NID1: variants seen among roughly 807,000 people sequenced by gnomAD.
NID1 encodes the protein nidogen 1, also known as nidogen-1.
NID1 carries 76 observed loss-of-function variants against 130.6 expected under a neutral mutation model. That is an observed-to-expected ratio of 0.58 (90% CI 0.48 to 0.70). The LOEUF (loss-of-function observed/expected upper bound fraction) is 0.70, where lower values mean the gene tolerates loss of function less well. Among genes scored for constraint, NID1 ranks in the 30% least tolerant of loss-of-function variants. NID1 has a pLI of 0.00. For missense variants in NID1, 1,517 were observed against 1,664.8 expected, an observed-to-expected ratio of 0.91 and a Z score of 1.54; for synonymous variants, 665 against 675.1, an observed-to-expected ratio of 0.98 and a Z score of 0.23.
chr1:236,032,331 C>T (rs574135739), intron 6 of NID1, 70 bp downstream of exon 6: 1 of 1,557,830 alleles, frequency 6.4e-7, no homozygotes, highest in South Asian at 1.2e-5. Flanking sequence ...GTTCTCCTTC[C>T]ATCCATCCCC....
At chr1:236,052,646 G>T (rs1659792281) in intron 1 of NID1, among the ~76,000 whole-genome samples, 1 of 152,168 alleles carries the variant, frequency 6.6e-6, no homozygotes, top group Admixed American at 6.5e-5. Context: ...GTCTGTGTGG[G>T]GTGTCCGTGT....
At chr1:236,006,022 C>T (rs1197544488) in intron 12 of NID1, among the ~76,000 whole-genome samples, 1 of 152,212 alleles carries the variant, frequency 6.6e-6, no homozygotes, top group African/African-American at 2.4e-5. Context: ...GAGCTCCTGT[C>T]TCCTTGTCAC....
chr1:236,061,282 C>T (rs1290731701), intron 1 of NID1, among the ~76,000 whole-genome samples: 3 of 152,248 alleles, frequency 2.0e-5, no homozygotes, highest in Admixed American at 6.5e-5. Context: ...AGTGTCACCC[C>T]GTAGCTCAGT....
chr1:236,015,369 G>A (rs535295949), intron 10 of NID1, among the ~76,000 whole-genome samples: 10 of 152,194 alleles, frequency 6.6e-5, no homozygotes, highest in Middle Eastern at 3.4e-3. Context: ...TATGTAGGCC[G>A]GGCGTGGTGG....
chr1:236,021,483 A>G (rs1658762720), intron 9 of NID1, among the ~76,000 whole-genome samples: 1 of 152,218 alleles, frequency 6.6e-6, no homozygotes, highest in South Asian at 2.1e-4. Context: ...TATGAAGCCA[A>G]CACCGCGAGG....
In NID1 at chr1:236,027,105, T is replaced by C. The variant is rs138056320; in HGVS notation, c.1739-964A>G. 7.2e-3 allele frequency among the ~76,000 whole-genome samples: 1,094 copies of C among 152,228 alleles called. 8 individuals carry two copies. The highest frequency in any genetic ancestry group is 0.012 in the Non-Finnish European group (841 of 68,012). Reference sequence around the variant, plus strand: ...ATCCTGCAATACCAAAAAAATGAGATATTAAATGAGTTTCAGTAGCCAGGT... The same window carrying C: ...ATCCTGCAATACCAAAAAAATGAGACATTAAATGAGTTTCAGTAGCCAGGT... On this transcript the variant is annotated intron_variant, in intron 7 of 19. Transcript: ENST00000264187.
Position 235,981,397 on chromosome 1 carries a change from A to G in NID1, c.3227+214T>C, listed in dbSNP as rs565847390. On this transcript the variant is annotated intron_variant, in intron 16 of 19. Transcript: ENST00000264187. ...AACTTGTAAAGTCTCCTGGCAAAAG[A>G]TTTGAAAGTGGGACATGGTATCAAG... 5.3e-5 allele frequency among the ~76,000 whole-genome samples: 8 copies of G among 152,344 alleles called. No homozygotes were observed. The South Asian group carries it at 1.2e-3, about 24-fold the overall frequency.
chr1:236,048,666 A>C, intron 2 of NID1, 24 bp downstream of exon 2: 1 of 1,601,422 alleles, frequency 6.2e-7, no homozygotes, highest in Non-Finnish European at 8.5e-7. Flanking sequence ...GATTACCTGC[A>C]CTTGGACCTG....
intron 4 of NID1, among the ~76,000 whole-genome samples, chr1:236,038,777 T>G (rs183000047): frequency 1.6e-5 from 2 of 123,088 alleles, no homozygotes; most frequent in Admixed American, 8.6e-5. Context: ...TAATATATAT[T>G]ACCTATGCTA....
chr1:235,993,118 A>G (rs1461283215), intron 13 of NID1, among the ~76,000 whole-genome samples: 4 of 152,128 alleles, frequency 2.6e-5, no homozygotes, highest in Non-Finnish European at 4.4e-5. Context: ...TGCTCCTTGG[A>G]TTGGAAAATC....
At chr1:236,027,387 G>A (rs1201767658) in intron 7 of NID1, among the ~76,000 whole-genome samples, 1 of 152,152 alleles carries the variant, frequency 6.6e-6, no homozygotes, top group Non-Finnish European at 1.5e-5. Context: ...CGCCAGAAAG[G>A]CCATTCAGCT....
chr1:236,035,568 C>T (rs1235114754), intron 5 of NID1, among the ~76,000 whole-genome samples: 1 of 150,776 alleles, frequency 6.6e-6, no homozygotes, highest in Non-Finnish European at 1.5e-5. Flanking sequence ...GGAATCGCCA[C>T]ACTGACTTCC....
intron 1 of NID1, among the ~76,000 whole-genome samples, chr1:236,059,169 G>A (rs79064611): frequency 1.3e-5 from 2 of 152,166 alleles, no homozygotes; most frequent in Non-Finnish European, 1.5e-5. Flanking sequence ...TCCGTAACCC[G>A]TGCTCTTTCT....
At chr1:236,018,890 C>T (rs1223449414) in intron 9 of NID1, among the ~76,000 whole-genome samples, 3 of 152,208 alleles carry the variant, frequency 2.0e-5, no homozygotes, top group Admixed American at 6.5e-5. Context: ...CCTCCTATGT[C>T]CACCTTCAAT....
intron 12 of NID1, among the ~76,000 whole-genome samples, chr1:235,994,700 C>CCTT (rs1657872375): frequency 7.0e-6 from 1 of 142,128 alleles, no homozygotes; most frequent in African/African-American, 2.6e-5. Context: ...TCTTCTTCTT[C>CCTT]TTTTTTTTTT....
At chr1:236,015,647 C>CAAAAA (rs71559908) in intron 10 of NID1, among the ~76,000 whole-genome samples, 20,942 of 79,414 alleles carry the variant, frequency 0.26, 2,591 homozygotes, top group Non-Finnish European at 0.36. Context: ...AACCCTGTCT[C>CAAAAA]AAAAAAAAAA....
intron 16 of NID1, 91 bp from the exon 17 acceptor site, chr1:235,980,744 G>T: frequency 7.6e-7 from 1 of 1,319,358 alleles, no homozygotes; most frequent in Non-Finnish European, 1.1e-6. Flanking sequence ...GAATTACAAT[G>T]AAGTGATTGG....
rs1183268882 is a variant in NID1 at position 236,011,163 on chromosome 1, G to A, written c.2527+758C>T. Among the ~76,000 whole-genome samples the A allele has an allele frequency of 2.0e-5, 3 of 152,248 alleles. No individual in the cohort carries two copies. The East Asian group carries it at 5.8e-4, about 29-fold the overall frequency. ...AGTTTTTAACTGCTTAAAAAGCGAT[G>A]GGATGAAAATGTTTACTTATCTCTA... On this transcript the variant is annotated intron_variant, in intron 12 of 19. Transcript: ENST00000264187.
intron 10 of NID1, among the ~76,000 whole-genome samples, chr1:236,014,623 G>A (rs1027804927): frequency 3.9e-5 from 6 of 152,154 alleles, no homozygotes; most frequent in Non-Finnish European, 5.9e-5. Flanking sequence ...GAGAATCACA[G>A]TCCCATCTAC....
Sources: allele counts gnomAD v4.1 joint callset (sites outside exome capture counted in the v4.1 genomes callset), GRCh38; gene constraint gnomAD v4.1.1; transcripts MANE v1.5; gene names NCBI Gene and HGNC (gene_info 2026-07-23, HGNC 2026-07-21).